Variants in DNAH14 observed in about 807,000 individuals in gnomAD.
The protein encoded by DNAH14 is axonemal beta dynein heavy chain 14.
In DNAH14, 478 loss-of-function variants were observed where a neutral mutation model predicts 520.9. The observed-to-expected ratio is 0.92, with a 90% CI of 0.85 to 0.99. DNAH14 has a LOEUF of 0.99. DNAH14 is among the 50% of genes least tolerant of loss of function. The pLI is 0.00. For synonymous variants in DNAH14, 1,581 were observed against 1,757.2 expected (o/e 0.90, Z 2.51); for missense variants, 4,831 against 5,234.5 (o/e 0.92, Z 2.38).
chr1:225,089,464 A>AAAAAAG (rs775049047), intron 21 of DNAH14, among the ~76,000 whole-genome samples: 17 of 138,352 alleles, frequency 1.2e-4, no homozygotes, highest in East Asian at 2.0e-4. Context: ...AAAAAAAAAA[A>AAAAAAG]AGAGAGCGAG....
At chr1:225,030,877 A>G (rs928374100) in intron 11 of DNAH14, among the ~76,000 whole-genome samples, 1 of 151,886 alleles carries the variant, frequency 6.6e-6, no homozygotes, top group Non-Finnish European at 1.5e-5. Context: ...ACTTTTTCAT[A>G]TATATCTTAT....
chr1:224,940,887 A>G (rs2125397458), intron 1 of DNAH14, among the ~76,000 whole-genome samples: 1 of 152,274 alleles, frequency 6.6e-6, no homozygotes, highest in South Asian at 2.1e-4. Context: ...CATGGTGTAT[A>G]TGTGCCACAT....
intron 36 of DNAH14, among the ~76,000 whole-genome samples, chr1:225,175,824 A>T: frequency 7.1e-6 from 1 of 141,234 alleles, no homozygotes. Flanking sequence ...GATGGTTTTT[A>T]TTTTCCTGCA....
chr1:225,144,437 T>C lies in DNAH14; in HGVS notation c.4549T>C (p.Tyr1517His). The C allele has an allele frequency of 6.4e-7, 1 of 1,551,662 alleles. No homozygotes were observed. Among genetic ancestry groups the C allele is most frequent in the Non-Finnish European group, 8.7e-7 (1 of 1,146,972 alleles). ...YKWNEKQKLCYVSQGNASFTY... is the reference protein window; with the variant it reads ...YKWNEKQKLCHVSQGNASFTY... ...ATGGAATGAAAAACAAAAGTTGTGC[T>C]ATGTGTCTCAAGGAAATGCCAGCTT... is the stretch of plus-strand genomic sequence containing the variant. Residue 1517 changes from tyrosine to histidine, a missense_variant, in exon 29 of 86, where the codon TAT becomes CAT. Coordinates refer to ENST00000682510, the MANE Select transcript of DNAH14 (RefSeq NM_001367479.1).
intron 66 of DNAH14, among the ~76,000 whole-genome samples, chr1:225,335,995 A>T (rs1379660881): frequency 8.4e-6 from 1 of 119,702 alleles, no homozygotes; most frequent in South Asian, 2.6e-4. Context: ...ATACACACAT[A>T]TGCATATATG....
rs2149844182 is a variant in DNAH14, at chr1:225,273,114, A to T, written c.7999A>T (p.Asn2667Tyr). 6.5e-7 allele frequency: 1 copy of T among 1,549,198 alleles called. No individual in the cohort carries two copies. The highest frequency in any genetic ancestry group is 2.4e-5 in the East Asian group (1 of 40,874). ...TCGGTTGCTTTCAAGGGAACTTGAG[A>T]ACTGTTTTCAGGTAAATTTATATTT... The part of the protein sequence containing the change: ...FYRLLSRELE[N>Y]CFQIQWTQEN... The change falls in exon 52 of 86, where the codon AAC (asparagine) becomes TAC (tyrosine). Residue 2667 changes from asparagine (N) to tyrosine (Y), a missense_variant. By Grantham distance (143) the Asn-to-Tyr change is moderately radical (BLOSUM62 -2). Coordinates refer to ENST00000682510, the MANE Select transcript of DNAH14 (RefSeq NM_001367479.1).
At chr1:225,372,195 C>T (rs1329312440) in intron 77 of DNAH14, among the ~76,000 whole-genome samples, 1 of 152,054 alleles carries the variant, frequency 6.6e-6, no homozygotes, top group Non-Finnish European at 1.5e-5. Context: ...AGATATAATG[C>T]AGTTCCAATT....
At chr1:224,929,879 G>T (rs746191108) in intron 1 of DNAH14, 44 bp downstream of exon 1, 8 of 620,070 alleles carry the variant, frequency 1.3e-5, no homozygotes, top group South Asian at 3.7e-5. Context: ...GCAGAGCCTC[G>T]GCGGGCGGGC....
At chr1:225,062,168 G>T in intron 17 of DNAH14, among the ~76,000 whole-genome samples, 1 of 152,132 alleles carries the variant, frequency 6.6e-6, no homozygotes, top group Non-Finnish European at 1.5e-5. Flanking sequence ...AGGCATGGTG[G>T]TGCACACCTG....
At chr1:225,269,892 G>T (rs1488946031) in intron 49 of DNAH14, among the ~76,000 whole-genome samples, 1 of 152,156 alleles carries the variant, frequency 6.6e-6, no homozygotes, top group African/African-American at 2.4e-5. Flanking sequence ...AACTAGTTCA[G>T]CCATTGTGGA....
intron 11 of DNAH14, among the ~76,000 whole-genome samples, chr1:225,030,914 G>C (rs374009206): frequency 6.6e-6 from 1 of 151,478 alleles, no homozygotes; most frequent in Admixed American, 6.6e-5. Flanking sequence ...TATTCAAAAG[G>C]CCTACTGAGA....
intron 42 of DNAH14, among the ~76,000 whole-genome samples, chr1:225,237,457 AG>A (rs1316366645): frequency 2.6e-4 from 39 of 152,338 alleles, no homozygotes; most frequent in African/African-American, 9.4e-4. Flanking sequence ...TCTGGCTTAT[AG>A]GGCTTTCTCT....
rs2077111718 is a variant in DNAH14, at chr1:225,119,287, C to T, written c.4159C>T (p.Leu1387=). Residue 1387 remains leucine, a synonymous_variant, in exon 26 of 86, where the codon CTA becomes TTA. Coordinates refer to ENST00000682510, the MANE Select transcript of DNAH14 (RefSeq NM_001367479.1). ...VNVEKSMFDV[L]KKFLSQGIED... ...TGTAGAAAAAAGCATGTTCGATGTG[C>T]TAAAAAAGTAAGTACAATTTTCAAA... 1 of 1,514,534 alleles carries T rather than the reference C, an allele frequency of 6.6e-7. No homozygotes were observed. Among genetic ancestry groups the T allele is most frequent in the African/African-American group, 1.4e-5 (1 of 71,984 alleles). 93.8% of individuals were successfully genotyped at this position (1,514,534 alleles called of 1,614,324 possible). A position where few individuals can be genotyped will look rare whatever the true frequency, so the allele number is the denominator to read the frequency against.
chr1:225,258,246 TTTA>T, intron 45 of DNAH14, 128 bp downstream of exon 45: 1 of 894,774 alleles, frequency 1.1e-6, no homozygotes, highest in Non-Finnish European at 1.5e-6. Flanking sequence ...ACTATATTAA[TTTA>T]TTTTCTTACC....
At chr1:224,987,085 T>A (rs1180113776) in intron 8 of DNAH14, among the ~76,000 whole-genome samples, 1 of 151,052 alleles carries the variant, frequency 6.6e-6, no homozygotes. Flanking sequence ...TTACAATAGC[T>A]ACAAGTATAT....
chr1:225,214,162 TA>T (rs1302599745), intron 41 of DNAH14, among the ~76,000 whole-genome samples: 1 of 152,234 alleles, frequency 6.6e-6, no homozygotes, highest in Non-Finnish European at 1.5e-5. Flanking sequence ...TCTATTGAGA[TA>T]ATCATGTGGT....
At chr1:225,244,472 C>T (rs2092156360) in intron 43 of DNAH14, among the ~76,000 whole-genome samples, 1 of 152,078 alleles carries the variant, frequency 6.6e-6, no homozygotes, top group African/African-American at 2.4e-5. Flanking sequence ...GATGTGAATC[C>T]ATCTGGTCCT....
rs750975578 is a variant in DNAH14, at chr1:225,351,881, A to T, written c.11531A>T (p.Glu3844Val). ...SLEENTKPPE[E>V]TELLNENKET... ...GAGGAAAATACAAAACCACCAGAGG[A>T]AAGTAAGAAAGCATTCAGTGTTTTA... Residue 3844 changes from glutamate (E) to valine (V), a missense_variant and splice_region_variant, in exon 72 of 86, where the codon GAA (glutamate) becomes GTA (valine). Glu to Val is a moderately radical substitution (Grantham distance 121, BLOSUM62 -2). Transcript: ENST00000682510. The T allele has an allele frequency of 6.5e-7, 1 of 1,549,390 alleles. No homozygotes were observed. Among genetic ancestry groups the T allele is most frequent in the South Asian group, 1.2e-5 (1 of 83,936 alleles).
At chr1:224,975,347 ATCTGGTCCTGG>A (rs2061747420) in intron 8 of DNAH14, among the ~76,000 whole-genome samples, 1 of 151,912 alleles carries the variant, frequency 6.6e-6, no homozygotes, top group Non-Finnish European at 1.5e-5. Flanking sequence ...CTGTGAATCC[ATCTGGTCCTGG>A]ACTCTTTTTG....
Sources: allele counts gnomAD v4.1 joint callset (sites outside exome capture counted in the v4.1 genomes callset), GRCh38; gene constraint gnomAD v4.1.1; transcripts MANE v1.5; gene names NCBI Gene and HGNC (gene_info 2026-07-23, HGNC 2026-07-21).